The following CNOT6 variants were observed in gnomAD, a reference collection of about 807,000 sequenced individuals.
The protein encoded by CNOT6 is carbon catabolite repression 4 protein.
CNOT6 carries 12 observed loss-of-function variants against 61.2 expected under a neutral mutation model. The ratio of observed to expected loss-of-function variants is 0.20; its 90% confidence interval spans 0.13 to 0.32. CNOT6 has a LOEUF of 0.32. Among genes scored for constraint, CNOT6 ranks in the 10% least tolerant of loss-of-function variants. CNOT6 has a pLI of 1.00. For missense variants in CNOT6, 405 were observed against 663.9 expected, an observed-to-expected ratio of 0.61 and a Z score of 4.28; for synonymous variants, 225 against 240.6, an observed-to-expected ratio of 0.94 and a Z score of 0.60.
intron 4 of CNOT6, among the ~76,000 whole-genome samples, chr5:180,553,823 A>G (rs1017463803): frequency 6.6e-6 from 1 of 152,172 alleles, no homozygotes; most frequent in Non-Finnish European, 1.5e-5. Flanking sequence ...CTCATATAGT[A>G]CAGAAAACAG....
chr5:180,529,691 G>T (rs1164399242), intron 2 of CNOT6, among the ~76,000 whole-genome samples: 1 of 152,226 alleles, frequency 6.6e-6, no homozygotes, highest in Non-Finnish European at 1.5e-5. Context: ...TGAAGTGCTA[G>T]TGCCCAGTCA....
At chr5:180,573,603 C>G (rs77113040) in intron 11 of CNOT6, among the ~76,000 whole-genome samples, 1,566 of 13,102 alleles carry the variant, frequency 0.12, 15 homozygotes, top group South Asian at 0.25. Context: ...GTGTGTGTGT[C>G]CGTCCGTCCG....
chr5:180,521,963 A>G (rs1757896490), intron 1 of CNOT6, among the ~76,000 whole-genome samples: 1 of 152,078 alleles, frequency 6.6e-6, no homozygotes, highest in Non-Finnish European at 1.5e-5. Context: ...GGTTGATTCC[A>G]TGTTTTTGCT....
At chr5:180,532,483 A>G (rs916615457) in intron 2 of CNOT6, among the ~76,000 whole-genome samples, 9 of 152,128 alleles carry the variant, frequency 5.9e-5, no homozygotes, top group Non-Finnish European at 1.5e-5. Context: ...CTGTATACAC[A>G]TATAGGGAAA....
chr5:180,557,617 G>C (rs945179168), intron 4 of CNOT6, among the ~76,000 whole-genome samples: 1 of 152,084 alleles, frequency 6.6e-6, no homozygotes, highest in Non-Finnish European at 1.5e-5. Context: ...GGTACGAGTC[G>C]TTGGTGGAAT....
intron 2 of CNOT6, among the ~76,000 whole-genome samples, chr5:180,543,338 C>T (rs982899359): frequency 3.9e-5 from 6 of 152,058 alleles, no homozygotes; most frequent in African/African-American, 1.2e-4. Context: ...TGATAACAGG[C>T]GTGAGCCAGT....
intron 4 of CNOT6, among the ~76,000 whole-genome samples, chr5:180,556,659 A>G (rs1478994523): frequency 6.6e-6 from 1 of 152,226 alleles, no homozygotes; most frequent in African/African-American, 2.4e-5. Flanking sequence ...TGCTATTTTA[A>G]GAATGCTACC....
chr5:180,547,513 C>A (rs1759373574), intron 2 of CNOT6, among the ~76,000 whole-genome samples: 1 of 151,708 alleles, frequency 6.6e-6, no homozygotes, highest in Non-Finnish European at 1.5e-5. Flanking sequence ...GAGCGAGACT[C>A]CATGAAAAAA....
In CNOT6 at chr5:180,577,060, T is replaced by C. The variant is rs1761034633; in HGVS notation, c.*2860T>C. Reference sequence around the variant, plus strand: ...TTATGCTTTGAGAGTTTCAATATTGTTCGTCAAGTTAACTTATGGCATAAT... The same window carrying C: ...TTATGCTTTGAGAGTTTCAATATTGCTCGTCAAGTTAACTTATGGCATAAT... On this transcript the variant is annotated 3_prime_UTR_variant, in exon 12 of 12. Coordinates refer to ENST00000261951, the MANE Select transcript of CNOT6 (RefSeq NM_001370472.1). The C allele has an allele frequency of 1.3e-5, 2 of 152,550 alleles. No individual in the cohort carries two copies. The highest frequency in any genetic ancestry group is 4.1e-4 in the South Asian group (2 of 4,826). 9.4% of individuals were successfully genotyped at this position (152,550 alleles called of 1,614,324 possible).
intron 3 of CNOT6, among the ~76,000 whole-genome samples, chr5:180,550,539 T>C (rs1759545505): frequency 6.6e-6 from 1 of 152,216 alleles, no homozygotes; most frequent in African/African-American, 2.4e-5. Context: ...CATAACTATA[T>C]CCTTTATAAC....
chr5:180,546,246 A>G (rs1196786862), intron 2 of CNOT6, among the ~76,000 whole-genome samples: 3 of 152,090 alleles, frequency 2.0e-5, no homozygotes, highest in Admixed American at 6.6e-5. Flanking sequence ...AAAATTCACC[A>G]TCTTGCTATT....
At chr5:180,509,029 T>A (rs1757263891) in intron 1 of CNOT6, among the ~76,000 whole-genome samples, 1 of 151,884 alleles carries the variant, frequency 6.6e-6, no homozygotes, top group African/African-American at 2.4e-5. Context: ...ACCATATTGA[T>A]CAGGCTGGTC....
chr5:180,520,150 A>C (rs1261005016), intron 1 of CNOT6, among the ~76,000 whole-genome samples: 1 of 152,148 alleles, frequency 6.6e-6, no homozygotes, highest in Non-Finnish European at 1.5e-5. Context: ...TATACTATTA[A>C]TGAACATTTA....
chr5:180,508,977 C>A (rs994410320), intron 1 of CNOT6, among the ~76,000 whole-genome samples: 3 of 151,924 alleles, frequency 2.0e-5, no homozygotes, highest in Admixed American at 6.6e-5. Flanking sequence ...CAAGTACCAC[C>A]ATGCTCAGCT....
At chr5:180,560,916 TTGTTGGTGGTGG>T (rs1760139880) in intron 4 of CNOT6, among the ~76,000 whole-genome samples, 1 of 150,386 alleles carries the variant, frequency 6.6e-6, no homozygotes, top group South Asian at 2.2e-4. Context: ...CTTTTTGTTG[TTGTTGGTGGTGG>T]TGGTGGTGTT....
At position 180,539,868 on chromosome 5, in the gene CNOT6, C is replaced by T. The variant is rs577766630; in HGVS notation, c.113-10063C>T. Among the ~76,000 whole-genome samples, 65 of 152,076 alleles carry T rather than the reference C, an allele frequency of 4.3e-4. No homozygotes were observed. In the South Asian group the frequency reaches 0.011, roughly 25 times the overall value. ...CCTCCCAAAGTGCTGGGATTACAGG[C>T]GTGAGCCACCGCGCCCAGCCTGTTC... On this transcript the variant is annotated intron_variant, in intron 2 of 11. Transcript: ENST00000261951.
intron 1 of CNOT6, among the ~76,000 whole-genome samples, chr5:180,506,265 G>A (rs1757128589): frequency 6.6e-6 from 1 of 152,134 alleles, no homozygotes; most frequent in Non-Finnish European, 1.5e-5. Context: ...ATTAAATCAA[G>A]GTCATACAGG....
intron 1 of CNOT6, 25 bp from the exon 2 acceptor site, chr5:180,529,250 A>G (rs771961751): frequency 2.4e-5 from 29 of 1,233,984 alleles, no homozygotes; most frequent in African/African-American, 4.5e-5. Context: ...TTTTTAGAAT[A>G]CTGATTGGTT....
At chr5:180,518,101 C>T (rs1331252061) in intron 1 of CNOT6, among the ~76,000 whole-genome samples, 3 of 152,100 alleles carry the variant, frequency 2.0e-5, no homozygotes, top group Non-Finnish European at 4.4e-5. Flanking sequence ...TGTTATCTCT[C>T]TTTTGTTTTG....
Sources: allele counts gnomAD v4.1 joint callset (sites outside exome capture counted in the v4.1 genomes callset), GRCh38; gene constraint gnomAD v4.1.1; transcripts MANE v1.5; gene names NCBI Gene and HGNC (gene_info 2026-07-23, HGNC 2026-07-21).